KIAA1328: variants seen among roughly 807,000 people sequenced by gnomAD.
KIAA1328 encodes protein hinderin.
A neutral mutation model predicts 68.1 loss-of-function variants in KIAA1328; 52 were observed. That is an observed-to-expected ratio of 0.76 (90% CI 0.61 to 0.96). The LOEUF (loss-of-function observed/expected upper bound fraction) is 0.96. Ranked by LOEUF, KIAA1328 falls within the 40% of genes least tolerant of loss-of-function variation. The probability of loss-of-function intolerance (pLI) is 0.00; values close to 1 mark genes in which losing one functional copy is unlikely to be tolerated. For missense variants in KIAA1328, 641 were observed against 677.6 expected (o/e 0.95, Z 0.60); for synonymous variants, 232 against 239.4 (o/e 0.97, Z 0.28).
chr18:37,036,056 G>C (rs904620829), intron 6 of KIAA1328, among the ~76,000 whole-genome samples: 2 of 152,158 alleles, frequency 1.3e-5, no homozygotes, highest in Admixed American at 6.5e-5. Context: ...TTTAAGAATA[G>C]TAGAAAGGTA....
At chr18:37,175,846 A>T (rs2059588490) in intron 9 of KIAA1328, among the ~76,000 whole-genome samples, 1 of 152,194 alleles carries the variant, frequency 6.6e-6, no homozygotes. Flanking sequence ...TGTCCACCTT[A>T]AATTCCAAGA....
At chr18:37,022,652 A>G (rs1043161043) in intron 6 of KIAA1328, among the ~76,000 whole-genome samples, 2 of 152,190 alleles carry the variant, frequency 1.3e-5, no homozygotes, top group African/African-American at 2.4e-5. Context: ...TGCTTCATAC[A>G]TTGTATTTTA....
chr18:36,926,385 ATTTATT>A (rs2050119479), intron 5 of KIAA1328, among the ~76,000 whole-genome samples: 2 of 23,404 alleles, frequency 8.5e-5, no homozygotes, highest in Admixed American at 1.4e-3. Context: ...CTCTCTCTCT[ATTTATT>A]TATTTATTTA....
chr18:37,075,534 T>C (rs890028016), intron 7 of KIAA1328: 14 of 152,148 alleles, frequency 9.2e-5, no homozygotes, highest in African/African-American at 3.4e-4. Flanking sequence ...AGACACAGAC[T>C]GGCAAATTGG....
chr18:37,217,999 G>T (rs1318217798), intron 9 of KIAA1328, among the ~76,000 whole-genome samples: 2 of 152,200 alleles, frequency 1.3e-5, no homozygotes, highest in Non-Finnish European at 2.9e-5. Flanking sequence ...GATGGCTAAT[G>T]CTCAAAATTC....
At chr18:36,833,003 AT>A (rs891641138) in intron 1 of KIAA1328, 76 of 145,506 alleles carry the variant, frequency 5.2e-4, no homozygotes, top group Non-Finnish European at 5.6e-4. Flanking sequence ...TGCCCGGCTA[AT>A]TTTTTTTTTT....
intron 4 of KIAA1328, among the ~76,000 whole-genome samples, chr18:36,873,196 A>G (rs182983642): frequency 2.6e-5 from 4 of 152,260 alleles, no homozygotes; most frequent in Admixed American, 2.6e-4. Context: ...CTCCCAGTTT[A>G]CTATAAGCAC....
chr18:37,148,903 C>A (rs775557954), intron 7 of KIAA1328, among the ~76,000 whole-genome samples: 3 of 151,920 alleles, frequency 2.0e-5, no homozygotes, highest in Admixed American at 1.3e-4. Flanking sequence ...AAAAATTTTA[C>A]CCCACTATGT....
chr18:37,181,070 A>G (rs544057746), intron 9 of KIAA1328, among the ~76,000 whole-genome samples: 86 of 152,266 alleles, frequency 5.6e-4, no homozygotes, highest in African/African-American at 2.0e-3. Flanking sequence ...TTAAAGTATG[A>G]GCTGTAAGGC....
intron 7 of KIAA1328, among the ~76,000 whole-genome samples, chr18:37,097,715 G>A (rs935663452): frequency 2.0e-5 from 3 of 152,172 alleles, no homozygotes; most frequent in East Asian, 1.9e-4. Flanking sequence ...AGCATGGAAT[G>A]TTCTTCCATT....
rs539657415 is a variant in KIAA1328, at chr18:37,090,411, G to A, written c.1232+22866G>A. Among the ~76,000 whole-genome samples, 6 of 152,176 alleles carry A rather than the reference G, an allele frequency of 3.9e-5. No individual in the cohort carries two copies. In the East Asian group the frequency reaches 1.2e-3, roughly 29 times the overall value. ...TTGATTGTATTTTCTAAAATTAGTG[G>A]GCATTTTTGTTTAATAATTCTACAA... On this transcript the variant is annotated intron_variant, in intron 7 of 9. Coordinates refer to ENST00000280020, the MANE Select transcript of KIAA1328 (RefSeq NM_020776.3).
intron 7 of KIAA1328, among the ~76,000 whole-genome samples, chr18:37,110,486 C>T (rs1238578852): frequency 6.6e-6 from 1 of 152,248 alleles, no homozygotes; most frequent in African/African-American, 2.4e-5. Flanking sequence ...CAGAAATTCC[C>T]TCTGAAAGGA....
intron 5 of KIAA1328, among the ~76,000 whole-genome samples, chr18:36,894,783 C>T (rs1041445212): frequency 6.6e-6 from 1 of 152,116 alleles, no homozygotes; most frequent in Non-Finnish European, 1.5e-5. Context: ...CCTAGGTGTC[C>T]TAAAGTACTG....
At chr18:36,973,245 G>A (rs2052306864) in intron 6 of KIAA1328, among the ~76,000 whole-genome samples, 1 of 151,762 alleles carries the variant, frequency 6.6e-6, no homozygotes, top group Non-Finnish European at 1.5e-5. Flanking sequence ...AACTCCGCAT[G>A]TTCTCACTCA....
intron 5 of KIAA1328, among the ~76,000 whole-genome samples, chr18:36,914,120 G>A (rs1380721355): frequency 2.6e-5 from 4 of 152,104 alleles, no homozygotes; most frequent in East Asian, 1.9e-4. Flanking sequence ...TTCTTAGGGC[G>A]ATTTGTGTGG....
chr18:36,880,167 G>A (rs913041193), intron 4 of KIAA1328, among the ~76,000 whole-genome samples: 20 of 152,168 alleles, frequency 1.3e-4, no homozygotes, highest in South Asian at 4.1e-4. Flanking sequence ...GTAGGCACCC[G>A]AGGGAATCTC....
intron 5 of KIAA1328, among the ~76,000 whole-genome samples, chr18:36,942,386 G>GA (rs2050747956): frequency 6.6e-6 from 1 of 152,174 alleles, no homozygotes; most frequent in Admixed American, 6.5e-5. Context: ...GACTGTATAT[G>GA]AAATTTCACG....
At chr18:37,110,688 T>C (rs766643590) in intron 7 of KIAA1328, among the ~76,000 whole-genome samples, 59 of 152,156 alleles carry the variant, frequency 3.9e-4, no homozygotes, top group Non-Finnish European at 7.5e-4. Context: ...TCTGGATAGA[T>C]AGGATGGGCA....
chr18:36,917,775 G>A (rs533575933), intron 5 of KIAA1328, among the ~76,000 whole-genome samples: 1 of 152,098 alleles, frequency 6.6e-6, no homozygotes, highest in African/African-American at 2.4e-5. Flanking sequence ...CCTTAACTCT[G>A]TTTTCTGATT....
Sources: gnomAD v4.1 joint callset for allele counts (sites outside exome capture counted in the v4.1 genomes callset) on GRCh38, gnomAD v4.1.1 for gene constraint, MANE v1.5 for transcripts, NCBI Gene and HGNC (gene_info 2026-07-23, HGNC 2026-07-21) for gene names.